The following IDH3B variants were observed in gnomAD, a reference collection of about 807,000 sequenced individuals.
IDH3B encodes isocitrate dehydrogenase (NAD(+)) 3 non-catalytic subunit beta, also known as isocitrate dehydrogenase [NAD] subunit beta, mitochondrial.
Under a neutral mutation model 47.5 loss-of-function variants are expected in IDH3B, and 40 were observed. The observed-to-expected ratio is 0.84, with a 90% CI of 0.65 to 1.10. IDH3B has a LOEUF of 1.10. IDH3B is among the 50% of genes least tolerant of loss of function. The pLI is 0.00. For synonymous variants in IDH3B, 185 were observed against 191.0 expected (o/e 0.97, Z 0.26); for missense variants, 450 against 505.2 (o/e 0.89, Z 1.05).
chr20:2,659,931 A>C (rs958596087), intron 9 of IDH3B, 99 bp downstream of exon 9: 14 of 1,532,348 alleles, frequency 9.1e-6, no homozygotes, highest in African/African-American at 2.7e-5. Context: ...GCGTGGGGGA[A>C]GAACAGGCCA....
chr20:2,658,906 G>GT, intron 11 of IDH3B, 69 bp from the exon 12 acceptor site: 1 of 1,603,964 alleles, frequency 6.2e-7, no homozygotes, highest in African/African-American at 1.3e-5. Context: ...GTAGGGCAAT[G>GT]TGATTGAGGA....
In IDH3B at chr20:2,660,985, G is replaced by A; in HGVS notation, c.338-16C>T. 1 of 1,613,148 alleles carries A rather than the reference G, an allele frequency of 6.2e-7. No homozygotes were observed. Among genetic ancestry groups the A allele is most frequent in the Non-Finnish European group, 8.5e-7 (1 of 1,179,340 alleles). On this transcript the variant is annotated splice_polypyrimidine_tract_variant and intron_variant, in intron 4 of 11. Coordinates refer to ENST00000380843, the MANE Select transcript of IDH3B (RefSeq NM_006899.5). The surrounding 1 kb of genome is among the most constrained non-coding windows in gnomAD (Gnocchi z 5.6). ...TGAATCTTTCCTGTGAAAACAAAGT[G>A]GGAAAAGGAGTGTCAGCCACAGGCC...
Position 2,660,218 on chromosome 20 carries a change from A to G in IDH3B, c.769-42T>C. On this transcript the variant is annotated intron_variant, in intron 8 of 11. Transcript: ENST00000380843. The surrounding 1 kb of genome is among the most constrained non-coding windows in gnomAD (Gnocchi z 5.6). ...AGGCATGAAGTAAATTCCACTCCCC[A>G]CCCTCCTCCTCCGCCCCATGAGTAG... 1 of 1,613,480 alleles carries G rather than the reference A, an allele frequency of 6.2e-7. No individual in the cohort carries two copies. The highest frequency in any genetic ancestry group is 8.5e-7 in the Non-Finnish European group (1 of 1,179,824).
In IDH3B at chr20:2,663,562, G is replaced by A. The variant is rs769737054; in HGVS notation, c.221C>T (p.Ala74Val). 4 of 1,614,042 alleles carry A rather than the reference G, an allele frequency of 2.5e-6. No homozygotes were observed. The Admixed American group carries it at 6.7e-5, about 27-fold the overall frequency. Residue 74 changes from alanine (A) to valine (V), a missense_variant, in exon 4 of 12, where the codon GCC (alanine) becomes GTC (valine). Ala to Val is a moderately conservative substitution (Grantham distance 64, BLOSUM62 0). Coordinates refer to ENST00000380843, the MANE Select transcript of IDH3B (RefSeq NM_006899.5). ...CTCCTGGAACTCCACTGGGACAGCGGCAGCCTTCAGAGACAGGTTCCCAAA... is the reference window on the plus strand; with the variant it reads ...CTCCTGGAACTCCACTGGGACAGCGACAGCCTTCAGAGACAGGTTCCCAAA... ...MHAVKEVFKA[A>V]AVPVEFQEHH... is the part of the protein sequence containing the mutation.
At chr20:2,659,488 C>CG in intron 11 of IDH3B, 37 bp downstream of exon 11, 1 of 1,608,270 alleles carries the variant, frequency 6.2e-7, no homozygotes, top group Admixed American at 1.7e-5. Context: ...CAGAACTACT[C>CG]TAAATCCTGA....
At chr20:2,662,261 G>C (rs58590222) in intron 4 of IDH3B, among the ~76,000 whole-genome samples, 1 of 152,140 alleles carries the variant, frequency 6.6e-6, no homozygotes, top group Non-Finnish European at 1.5e-5. Context: ...AAGAAAGAAC[G>C]TTCTGGGTGG....
chr20:2,663,499 T>G lies in IDH3B; in HGVS notation c.284A>C (p.Glu95Ala). Residue 95 changes from glutamate (E) to alanine (A), a missense_variant, in exon 4 of 12, where the codon GAG becomes GCG. Glu to Ala is a moderately radical substitution (Grantham distance 107, BLOSUM62 -1). Coordinates refer to ENST00000380843, the MANE Select transcript of IDH3B (RefSeq NM_006899.5). ...GGAACTCAGCACCTGCTCCAGCTTC[T>G]CCTCAGATGCCATATTCTGCACCTC... ...LSEVQNMASE[E>A]KLEQVLSSMK... The G allele has an allele frequency of 6.2e-7, 1 of 1,614,200 alleles. No individual in the cohort carries two copies. Among genetic ancestry groups the G allele is most frequent in the Non-Finnish European group, 8.5e-7 (1 of 1,180,008 alleles).
chr20:2,658,754 G>A lies in IDH3B; in HGVS notation c.1155C>T (p.Ser385=), dbSNP rs2086870968. The change falls in exon 12 of 12, where the codon AGC becomes AGT. Residue 385 remains serine (S), a synonymous_variant. Coordinates refer to ENST00000380843, the MANE Select transcript of IDH3B (RefSeq NM_006899.5). ...AGGTTGGAAGAAATAAAGGGCTCTA[G>A]CTCCCTTTAGTCTGCAGGTGACCGA... ...SVIGHLQTKG[S] is the part of the protein sequence containing the mutation. 1.2e-6 allele frequency: 2 copies of A among 1,614,088 alleles called. No individual in the cohort carries two copies. Among genetic ancestry groups the A allele is most frequent in the African/African-American group, 1.3e-5 (1 of 74,930 alleles).
Position 2,660,138 on chromosome 20 carries a change from C to A in IDH3B, c.807G>T (p.Met269Ile). Residue 269 changes from methionine to isoleucine, a missense_variant, in exon 9 of 12, where the codon ATG becomes ATT. Met to Ile is a conservative substitution (Grantham distance 10). Coordinates refer to ENST00000380843, the MANE Select transcript of IDH3B (RefSeq NM_006899.5). The surrounding 1 kb of genome is among the most constrained non-coding windows in gnomAD (Gnocchi z 5.6). The stretch of plus-strand genomic sequence containing the variant: ...CAATAATGTTCCCATAGAGATTGGG[C>A]ATCACAAGCACATCAAACTGGTAAG... ...QNPYQFDVLV[M>I]PNLYGNIIDN... 6.2e-7 allele frequency: 1 copy of A among 1,614,126 alleles called. No homozygotes were observed. The highest frequency in any genetic ancestry group is 8.5e-7 in the Non-Finnish European group (1 of 1,180,010).
rs779549478 is a variant in IDH3B, at chr20:2,658,412, T to C, written c.*339A>G. 2.0e-5 allele frequency: 32 copies of C among 1,613,398 alleles called. No individual in the cohort carries two copies. Among genetic ancestry groups the C allele is most frequent in the Admixed American group, 5.0e-5 (3 of 59,940 alleles). On this transcript the variant is annotated 3_prime_UTR_variant, in exon 12 of 12. Coordinates refer to ENST00000380843, the MANE Select transcript of IDH3B (RefSeq NM_006899.5). ...CACAAGAGTTGGTTCATGTTCTTTA[T>C]TGAACACCTTACATGGGTATGGACA...
At chr20:2,664,129 G>A in intron 1 of IDH3B, 24 bp downstream of exon 1, 2 of 1,612,388 alleles carry the variant, frequency 1.2e-6, no homozygotes, top group Non-Finnish European at 1.7e-6. Context: ...GCCCGCCCCT[G>A]CCCGACATGT....
chr20:2,659,685 C>A lies in IDH3B; in HGVS notation c.1010+14G>T, dbSNP rs1385584582. 6.2e-7 allele frequency: 1 copy of A among 1,613,108 alleles called. No homozygotes were observed. The highest frequency in any genetic ancestry group is 8.5e-7 in the Non-Finnish European group (1 of 1,179,024). Reference sequence around the variant, plus strand: ...ACGACACCCAACCTCTGCCGACAGCCTCCCATGACCTACTTAAGATGCCGC... The same window carrying A: ...ACGACACCCAACCTCTGCCGACAGCATCCCATGACCTACTTAAGATGCCGC... On this transcript the variant is annotated intron_variant, in intron 10 of 11. Transcript: ENST00000380843.
At chr20:2,663,893 G>C in intron 2 of IDH3B, 32 bp downstream of exon 2, 1 of 1,609,274 alleles carries the variant, frequency 6.2e-7, no homozygotes, top group Non-Finnish European at 8.5e-7. Context: ...GGACAGGGTC[G>C]TAAGAGAGAC....
chr20:2,659,914 G>T (rs1477247987), intron 9 of IDH3B, 116 bp downstream of exon 9: 1 of 1,474,870 alleles, frequency 6.8e-7, no homozygotes, highest in East Asian at 2.3e-5. Flanking sequence ...AAGAGGCATG[G>T]TGGGCAGCGT....
chr20:2,663,841 G>A, intron 2 of IDH3B, 83 bp from the exon 3 acceptor site: 2 of 1,589,120 alleles, frequency 1.3e-6, no homozygotes, highest in Non-Finnish European at 1.7e-6. Context: ...AGGGAGACCC[G>A]GGAGGGGTGG....
In IDH3B at chr20:2,660,118, A is replaced by T; in HGVS notation, c.827T>A (p.Ile276Asn). 6.2e-7 allele frequency: 1 copy of T among 1,614,104 alleles called. No individual in the cohort carries two copies. Reference protein sequence around the residue: ...VLVMPNLYGNIIDNLAAGLVG... With the variant: ...VLVMPNLYGNNIDNLAAGLVG... ...CAGGCCAGCAGCCAGATTGTCAATA[A>T]TGTTCCCATAGAGATTGGGCATCAC... The change falls in exon 9 of 12, where the codon ATT (isoleucine) becomes AAT (asparagine). Residue 276 changes from isoleucine (I) to asparagine (N), a missense_variant. Coordinates refer to ENST00000380843, the MANE Select transcript of IDH3B (RefSeq NM_006899.5). The surrounding 1 kb of genome is among the most constrained non-coding windows in gnomAD (Gnocchi z 5.6).
rs2146311600 is a variant in IDH3B, at chr20:2,660,718, C to T, written c.510G>A (p.Glu170=). The change falls in exon 6 of 12, where the codon GAG becomes GAA. Residue 170 remains glutamate (E), a synonymous_variant. Coordinates refer to ENST00000380843, the MANE Select transcript of IDH3B (RefSeq NM_006899.5). This position sits in a 1 kb window ranked among gnomAD's most constrained non-coding sequence, Gnocchi z 5.6. ...LVIIREQTEG[E]YSSLEHESAR... is the part of the protein sequence containing the mutation. ...TCACCTCATGTTCCAGAGAGCTGTA[C>T]TCCCCTTCTGTCTGCTCTCGAATGA... The T allele has an allele frequency of 6.2e-7, 1 of 1,614,222 alleles. No homozygotes were observed. The highest frequency in any genetic ancestry group is 2.2e-5 in the East Asian group (1 of 44,886).
rs1171466778 is a variant in IDH3B, at chr20:2,664,195, C to T, written c.-7G>A. ...CTCCGCTCAATGCCGCCATGTTTCC[C>T]GCAGGAAGTCGCGTGGGAAGTGACG... On this transcript the variant is annotated 5_prime_UTR_variant, in exon 1 of 12. Transcript: ENST00000380843. 1.9e-6 allele frequency: 3 copies of T among 1,612,966 alleles called. No homozygotes were observed. Among genetic ancestry groups the T allele is most frequent in the Middle Eastern group, 1.7e-4 (1 of 6,058 alleles).
Position 2,660,503 on chromosome 20 carries a change from T to G in IDH3B, c.619A>C (p.Lys207Gln). 6.2e-7 allele frequency: 1 copy of G among 1,614,096 alleles called. No individual in the cohort carries two copies. The highest frequency in any genetic ancestry group is 8.5e-7 in the Non-Finnish European group (1 of 1,180,004). ...GCAGTGACCTTGCCCCGCCCCTTCT[T>G]GGTGGCATAGTCAAAGGCGAACTTT... ...IAKFAFDYAT[K>Q]KGRGKVTAVH... The change falls in exon 7 of 12, where the codon AAG (lysine) becomes CAG (glutamine). Residue 207 changes from lysine (K) to glutamine (Q), a missense_variant. Physicochemically the swap from Lys to Gln is moderately conservative, Grantham distance 53. Transcript: ENST00000380843. This position sits in a 1 kb window ranked among gnomAD's most constrained non-coding sequence, Gnocchi z 5.6.
Sources: allele counts gnomAD v4.1 joint callset (sites outside exome capture counted in the v4.1 genomes callset), GRCh38; gene constraint gnomAD v4.1.1; non-coding constraint Gnocchi (gnomAD v3.1); transcripts MANE v1.5; gene names NCBI Gene and HGNC (gene_info 2026-07-23, HGNC 2026-07-21).